CDH12: variants seen among roughly 807,000 people sequenced by gnomAD.
CDH12 encodes cadherin 12.
A neutral mutation model predicts 74.1 loss-of-function variants in CDH12; 41 were observed. The observed-to-expected ratio is 0.55, with a 90% CI of 0.43 to 0.72. The LOEUF is 0.72. Among genes scored for constraint, CDH12 ranks in the 30% least tolerant of loss-of-function variants. CDH12 has a pLI of 0.00. For synonymous variants in CDH12, 399 were observed against 355.0 expected, an observed-to-expected ratio of 1.12 and a Z score of -1.39; for missense variants, 945 against 977.2, an observed-to-expected ratio of 0.97 and a Z score of 0.44.
chr5:22,584,937 TA>T (rs960406799), intron 1 of CDH12, among the ~76,000 whole-genome samples: 5 of 152,150 alleles, frequency 3.3e-5, no homozygotes, highest in Non-Finnish European at 5.9e-5. Context: ...ATATTTATCT[TA>T]AAAAAATTTA....
chr5:21,945,164 C>T (rs1453431773), intron 6 of CDH12, among the ~76,000 whole-genome samples: 1 of 152,054 alleles, frequency 6.6e-6, no homozygotes, highest in East Asian at 1.9e-4. Flanking sequence ...GTGGCTCACA[C>T]CTGTAATCCC....
intron 9 of CDH12, among the ~76,000 whole-genome samples, chr5:21,806,397 T>C (rs769582173): frequency 6.6e-6 from 1 of 152,114 alleles, no homozygotes; most frequent in Non-Finnish European, 1.5e-5. Flanking sequence ...TATCATCTAT[T>C]TTCTCTGAGG....
chr5:22,292,341 G>GTTTTTTTTTTTTT (rs60010478), intron 3 of CDH12, among the ~76,000 whole-genome samples: 2 of 105,410 alleles, frequency 1.9e-5, no homozygotes, highest in Non-Finnish European at 4.0e-5. Context: ...TTTGGTTTTT[G>GTTTTTTTTTTTTT]TTTTTTTTTT....
chr5:21,809,634 T>C (rs1188971083), intron 9 of CDH12, among the ~76,000 whole-genome samples: 1 of 152,148 alleles, frequency 6.6e-6, no homozygotes, highest in East Asian at 1.9e-4. Flanking sequence ...GTTCCAAACT[T>C]TACATGCTAT....
intron 1 of CDH12, among the ~76,000 whole-genome samples, chr5:22,793,945 A>G (rs2126393158): frequency 6.6e-6 from 1 of 152,270 alleles, no homozygotes; most frequent in African/African-American, 2.4e-5. Context: ...TCCTATAAGA[A>G]TCATCACAAG....
chr5:22,232,079 C>A (rs1023104377), intron 3 of CDH12, among the ~76,000 whole-genome samples: 1 of 151,656 alleles, frequency 6.6e-6, no homozygotes, highest in African/African-American at 2.4e-5. Flanking sequence ...TCTTAAGGAT[C>A]ACAGAAATAT....
At chr5:21,901,126 A>G (rs1240200973) in intron 6 of CDH12, among the ~76,000 whole-genome samples, 1 of 152,206 alleles carries the variant, frequency 6.6e-6, no homozygotes, top group Non-Finnish European at 1.5e-5. Context: ...GATACATTTT[A>G]TAGTACACAT....
At chr5:22,072,124 A>G (rs1741984247) in intron 5 of CDH12, among the ~76,000 whole-genome samples, 1 of 151,994 alleles carries the variant, frequency 6.6e-6, no homozygotes, top group African/African-American at 2.4e-5. Context: ...CCCCGTCTTC[A>G]ATGCATCTTT....
intron 1 of CDH12, among the ~76,000 whole-genome samples, chr5:22,573,795 C>A (rs1278600545): frequency 6.6e-6 from 1 of 151,934 alleles, no homozygotes; most frequent in Non-Finnish European, 1.5e-5. Context: ...GTCTCCTCTC[C>A]CAGAAATCCA....
At chr5:22,325,865 G>A (rs1450350285) in intron 3 of CDH12, among the ~76,000 whole-genome samples, 1 of 152,022 alleles carries the variant, frequency 6.6e-6, no homozygotes, top group Non-Finnish European at 1.5e-5. Context: ...CTGAGATCAC[G>A]CCACTGCACT....
intron 5 of CDH12, among the ~76,000 whole-genome samples, chr5:22,075,410 C>A (rs549161019): frequency 3.2e-4 from 48 of 151,760 alleles, no homozygotes; most frequent in African/African-American, 1.0e-3. Flanking sequence ...ATGTATACAT[C>A]TGTAACAAAC....
In CDH12 at chr5:22,344,954, G is replaced by A. The variant is rs146489319; in HGVS notation, c.-333+60303C>T. Among the ~76,000 whole-genome samples the A allele has an allele frequency of 4.0e-3, 611 of 152,168 alleles. 1 individual carries two copies. Among genetic ancestry groups the A allele is most frequent in the African/African-American group, 0.014 (563 of 41,512 alleles). The stretch of plus-strand genomic sequence containing the variant: ...CAGAAAGTCACTTAGAAAAGTTATT[G>A]AAACCCTTTTACTAAGATTTTTCCC... On this transcript the variant is annotated intron_variant, in intron 3 of 14. Coordinates refer to ENST00000382254, the MANE Select transcript of CDH12 (RefSeq NM_004061.5).
intron 3 of CDH12, among the ~76,000 whole-genome samples, chr5:22,282,095 C>A (rs1426625062): frequency 5.3e-5 from 8 of 152,078 alleles, no homozygotes; most frequent in South Asian, 2.1e-4. Context: ...TAACACCATG[C>A]ATCTACAACC....
At chr5:22,817,199 C>G (rs778064569) in intron 1 of CDH12, among the ~76,000 whole-genome samples, 6 of 151,994 alleles carry the variant, frequency 3.9e-5, no homozygotes, top group Non-Finnish European at 5.9e-5. Flanking sequence ...CGTATCTAAT[C>G]ATCAAATTAT....
At chr5:22,408,848 C>CT (rs70959729) in intron 2 of CDH12, among the ~76,000 whole-genome samples, 128,112 of 151,554 alleles carry the variant, frequency 0.85, 54,220 homozygotes, top group African/African-American at 0.87. Flanking sequence ...TATTTTCCCC[C>CT]ATGATGGTGG....
At position 21,803,105 on chromosome 5, in the gene CDH12, TAAAC is replaced by T. The variant is rs373847507; in HGVS notation, c.1003-689_1003-686del. 6.3e-3 allele frequency among the ~76,000 whole-genome samples: 955 copies of T among 152,106 alleles called. 13 individuals are homozygous for T. The highest frequency in any genetic ancestry group is 0.022 in the African/African-American group (898 of 41,510). On this transcript the variant is annotated intron_variant, in intron 9 of 14. Transcript: ENST00000382254. ...GACATCTAGTGGAACAAAGCAATGA[TAAAC>T]AAAAAAATGAATAAAAATGAAATAG... is the stretch of plus-strand genomic sequence containing the variant.
chr5:22,530,248 C>G (rs932818693), intron 1 of CDH12, among the ~76,000 whole-genome samples: 2 of 152,034 alleles, frequency 1.3e-5, no homozygotes, highest in African/African-American at 4.8e-5. Flanking sequence ...TAGAAAAATA[C>G]TTGTAAGAGC....
At chr5:22,081,410 A>C (rs1742717932) in intron 4 of CDH12, among the ~76,000 whole-genome samples, 1 of 151,976 alleles carries the variant, frequency 6.6e-6, no homozygotes, top group Non-Finnish European at 1.5e-5. Flanking sequence ...TAATTTCTTA[A>C]ATTTTTTGTT....
At chr5:22,621,219 T>C (rs448225) in intron 1 of CDH12, among the ~76,000 whole-genome samples, 51,427 of 151,980 alleles carry the variant, frequency 0.34, 9,166 homozygotes, top group African/African-American at 0.44. Flanking sequence ...CCTTTGCCCT[T>C]AGACTGGGCC....
Sources: allele counts gnomAD v4.1 joint callset (sites outside exome capture counted in the v4.1 genomes callset), GRCh38; gene constraint gnomAD v4.1.1; transcripts MANE v1.5; gene names NCBI Gene and HGNC (gene_info 2026-07-23, HGNC 2026-07-21).